SLC9A7: variants seen among roughly 807,000 people sequenced by gnomAD.
SLC9A7 encodes the protein solute carrier family 9 member A7, also known as sodium/hydrogen exchanger 7.
Under a neutral mutation model 52.6 loss-of-function variants are expected in SLC9A7, and 19 were observed. The observed-to-expected ratio is 0.36, with a 90% confidence interval of 0.25 to 0.53. SLC9A7 has a LOEUF of 0.53. SLC9A7 is among the 20% of genes least tolerant of loss of function. The pLI, the probability that SLC9A7 is intolerant of heterozygous loss-of-function variation, is 0.91. For missense variants in SLC9A7, 455 were observed against 597.9 expected (o/e 0.76, Z 2.49); for synonymous variants, 226 against 252.1 (o/e 0.90, Z 0.98).
chrX:46,717,962 A>G (rs1468647312), intron 1 of SLC9A7, among the ~76,000 whole-genome samples: 1 of 111,606 alleles, frequency 9.0e-6, no homozygotes, highest in African/African-American at 3.3e-5. Flanking sequence ...AGTTCATATG[A>G]AACCAAAAAC....
chrX:46,745,187 AGCAGT>A (rs1727651396), intron 1 of SLC9A7, among the ~76,000 whole-genome samples: 1 of 111,806 alleles, frequency 8.9e-6, no homozygotes, highest in African/African-American at 3.3e-5. Context: ...TCACCAGCTC[AGCAGT>A]GGTCTTGAAC....
In SLC9A7 at chrX:46,603,409, T is replaced by G. The variant is rs2146654559; in HGVS notation, c.*3543A>C. 8.9e-6 allele frequency: 1 copy of G among 112,377 alleles called. No individual in the cohort carries two copies. The highest frequency in any genetic ancestry group is 3.7e-4 in the South Asian group (1 of 2,730). The allele number at this position is 112,377 out of a possible 1,213,427, so 9.3% of individuals were successfully genotyped here. ...GTAGATCAGAATCAAATGTTTGCAG[T>G]GAAGACTACAAGACCCTTTGGGGAT... On this transcript the variant is annotated 3_prime_UTR_variant, in exon 17 of 17. Coordinates refer to ENST00000616978, the MANE Select transcript of SLC9A7 (RefSeq NM_001257291.2).
intron 1 of SLC9A7, among the ~76,000 whole-genome samples, chrX:46,745,014 G>A (rs1221348392): frequency 1.8e-5 from 2 of 109,961 alleles, no homozygotes. Context: ...TTCCTCCACA[G>A]AAACATTGAA....
intron 14 of SLC9A7, among the ~76,000 whole-genome samples, chrX:46,631,198 T>C (rs1943215958): frequency 8.9e-6 from 1 of 112,674 alleles, no homozygotes; most frequent in Non-Finnish European, 1.9e-5. Flanking sequence ...AGGCACCTGA[T>C]GTCTCTCCTT....
intron 15 of SLC9A7, among the ~76,000 whole-genome samples, chrX:46,619,917 A>G (rs1404678973): frequency 9.0e-6 from 1 of 111,676 alleles, no homozygotes; most frequent in Admixed American, 9.5e-5. Flanking sequence ...GACTAAAGGC[A>G]TGAGCTACTA....
intron 12 of SLC9A7, among the ~76,000 whole-genome samples, chrX:46,638,825 GAA>G (rs1005845784): frequency 2.8e-5 from 3 of 108,543 alleles, no homozygotes; most frequent in Non-Finnish European, 3.8e-5. Context: ...ATCTCTTCCA[GAA>G]AAAAAAAGAG....
In SLC9A7 at chrX:46,749,996, G is replaced by A. The variant is rs186417429; in HGVS notation, c.325+8709C>T. Among the ~76,000 whole-genome samples the A allele has an allele frequency of 2.8e-3, 307 of 110,086 alleles. 1 individual carries two copies. The highest frequency in any genetic ancestry group is 9.7e-3 in the African/African-American group (292 of 30,206). On this transcript the variant is annotated intron_variant, in intron 1 of 16. Transcript: ENST00000616978. ...GTCGGGAGGCTGAGGTAGGAGAATC[G>A]CTTGAACCCAGGAGGCGGAGGTTGC...
rs761132664 is a variant in SLC9A7 at position 46,682,657 on chromosome X, G to A, written c.326-122C>T. 75 of 613,098 alleles carry A rather than the reference G, an allele frequency of 1.2e-4. 1 individual carries two copies. In the East Asian group the frequency reaches 2.6e-3, roughly 21 times the overall value. The allele number at this position is 613,098 out of a possible 1,213,427, so 50.5% of individuals were successfully genotyped here. On this transcript the variant is annotated intron_variant, in intron 1 of 16. Transcript: ENST00000616978. The stretch of plus-strand genomic sequence containing the variant: ...AGTAATCTTAGAAACTGGGCATGGG[G>A]TATGTATTTTAGGAGAAACTGCATG...
chrX:46,681,524 A>G (rs1037260437), intron 2 of SLC9A7, among the ~76,000 whole-genome samples: 3 of 111,882 alleles, frequency 2.7e-5, no homozygotes, highest in Non-Finnish European at 5.6e-5. Flanking sequence ...ACAATAATTT[A>G]ATTTCTGGAG....
At chrX:46,753,438 G>C (rs1482436498) in intron 1 of SLC9A7, among the ~76,000 whole-genome samples, 3 of 111,829 alleles carry the variant, frequency 2.7e-5, no homozygotes, top group African/African-American at 9.8e-5. Context: ...TATACATGAT[G>C]TTCTGTGCCT....
At chrX:46,692,769 T>C (rs1944397927) in intron 1 of SLC9A7, among the ~76,000 whole-genome samples, 1 of 111,684 alleles carries the variant, frequency 9.0e-6, no homozygotes, top group African/African-American at 3.3e-5. Flanking sequence ...CTTACCATGA[T>C]ATTATACAGC....
intron 1 of SLC9A7, among the ~76,000 whole-genome samples, chrX:46,738,748 C>T (rs1049456442): frequency 9.4e-6 from 1 of 106,707 alleles, no homozygotes; most frequent in Non-Finnish European, 1.9e-5. Context: ...CCAGCCTGGG[C>T]GACAGAGCAA....
At chrX:46,621,855 A>T (rs1413646899) in intron 14 of SLC9A7, among the ~76,000 whole-genome samples, 2 of 112,388 alleles carry the variant, frequency 1.8e-5, no homozygotes, top group Non-Finnish European at 3.7e-5. Flanking sequence ...GGGCTGTGCA[A>T]GCACAGACTG....
At chrX:46,753,855 G>A (rs934583149) in intron 1 of SLC9A7, among the ~76,000 whole-genome samples, 2 of 109,755 alleles carry the variant, frequency 1.8e-5, no homozygotes, top group African/African-American at 3.3e-5. Context: ...GCATGGTGGC[G>A]GGTGCCTGTA....
intron 15 of SLC9A7, among the ~76,000 whole-genome samples, chrX:46,620,284 C>T (rs1010616790): frequency 4.6e-5 from 5 of 109,726 alleles, no homozygotes; most frequent in African/African-American, 1.7e-4. Context: ...TAGCTGGGTG[C>T]GGTGGCATGC....
intron 1 of SLC9A7, among the ~76,000 whole-genome samples, chrX:46,755,815 C>T (rs113644536): frequency 0.012 from 928 of 74,390 alleles, 15 homozygotes; most frequent in African/African-American, 0.057. Context: ...GAGTGAGACT[C>T]CGTCTTGGAA....
chrX:46,758,790 C>T lies in SLC9A7; in HGVS notation c.240G>A (p.Leu80=). ...DSVSLLTFIL[L]LTLTILTIWL... ...AGATGGTGAGGATGGTGAGCGTGAG[C>T]AGCAGGATGAAGGTGAGCAGGCTCA... is the stretch of plus-strand genomic sequence containing the variant. The change falls in exon 1 of 17, where the codon CTG becomes CTA. Residue 80 remains leucine, a synonymous_variant. Transcript: ENST00000616978. 1 of 1,204,762 alleles carries T rather than the reference C, an allele frequency of 8.3e-7. No individual in the cohort carries two copies.
At position 46,616,340 on chromosome X, in the gene SLC9A7, A is replaced by C. The variant is rs905105857; in HGVS notation, c.1824-2946T>G. Reference sequence around the variant, plus strand: ...AAAAAAAAAAAAAACCCACCCCCCCAAAAAAAAACAAAACAAAAACAAAAA... The same window carrying C: ...AAAAAAAAAAAAAACCCACCCCCCCCAAAAAAAACAAAACAAAAACAAAAA... On this transcript the variant is annotated intron_variant, in intron 15 of 16. Transcript: ENST00000616978. Among the ~76,000 whole-genome samples, 56 of 104,302 alleles carry C rather than the reference A, an allele frequency of 5.4e-4. 1 individual carries two copies. The highest frequency in any genetic ancestry group is 2.6e-3 in the South Asian group (6 of 2,324). 90.6% of individuals were successfully genotyped at this position (104,302 alleles called of 115,157 possible). A position where few individuals can be genotyped will look rare whatever the true frequency, so the allele number is the denominator to read the frequency against.
rs938396361 is a variant in SLC9A7 at position 46,601,874 on chromosome X, C to T, written c.*5078G>A. On this transcript the variant is annotated 3_prime_UTR_variant, in exon 17 of 17. Coordinates refer to ENST00000616978, the MANE Select transcript of SLC9A7 (RefSeq NM_001257291.2). ...TGTGCATCTCCTTAATTACCTGCTA[C>T]GGAAACCACCACCATCACCATGTGA... The T allele has an allele frequency of 1.8e-5, 2 of 111,991 alleles. No individual in the cohort carries two copies. The highest frequency in any genetic ancestry group is 4.2e-3 in the Middle Eastern group (1 of 236). 9.2% of individuals were successfully genotyped at this position (111,991 alleles called of 1,213,427 possible). A position where few individuals can be genotyped will look rare whatever the true frequency, so the allele number is the denominator to read the frequency against.
Sources: gnomAD v4.1 joint callset for allele counts (sites outside exome capture counted in the v4.1 genomes callset) on GRCh38, gnomAD v4.1.1 for gene constraint, MANE v1.5 for transcripts, NCBI Gene and HGNC (gene_info 2026-07-23, HGNC 2026-07-21) for gene names.